The following MNAT1 variants were observed in gnomAD, a reference collection of about 807,000 sequenced individuals.
MNAT1 encodes MNAT1 component of CDK activating kinase, also known as CDK-activating kinase assembly factor MAT1.
MNAT1 carries 43 observed loss-of-function variants against 42.0 expected under a neutral mutation model. The observed-to-expected ratio is 1.02, with a 90% confidence interval of 0.80 to 1.32. The LOEUF is 1.32. MNAT1 is among the 40% of genes most tolerant of loss of function. MNAT1 has a pLI of 0.00. For synonymous variants in MNAT1, 118 were observed against 120.0 expected (o/e 0.98, Z 0.11); for missense variants, 306 against 350.4 (o/e 0.87, Z 1.01).
chr14:60,886,960 A>G (rs2034689191), intron 7 of MNAT1, among the ~76,000 whole-genome samples: 1 of 152,212 alleles, frequency 6.6e-6, no homozygotes, highest in East Asian at 1.9e-4. Flanking sequence ...AAAACTGAAA[A>G]CTTTTCCTCT....
At chr14:60,787,358 T>C (rs2031683299) in intron 1 of MNAT1, among the ~76,000 whole-genome samples, 1 of 152,200 alleles carries the variant, frequency 6.6e-6, no homozygotes, top group South Asian at 2.1e-4. Flanking sequence ...AATTAAAATA[T>C]ACTTTACTGC....
intron 6 of MNAT1, among the ~76,000 whole-genome samples, chr14:60,829,339 A>T (rs1594784119): frequency 1.3e-5 from 2 of 152,050 alleles, no homozygotes; most frequent in South Asian, 2.1e-4. Flanking sequence ...ATGCCTAGTA[A>T]CTCTTTCTTA....
At chr14:60,806,836 G>A (rs2032387215) in intron 3 of MNAT1, among the ~76,000 whole-genome samples, 2 of 152,172 alleles carry the variant, frequency 1.3e-5, no homozygotes, top group South Asian at 2.1e-4. Flanking sequence ...GATTTTGAGT[G>A]GTTGGTAAAG....
At chr14:60,907,722 T>C (rs10137397) in intron 7 of MNAT1, among the ~76,000 whole-genome samples, 136,169 of 147,020 alleles carry the variant, frequency 0.93, 63,507 homozygotes, top group Non-Finnish European at 0.99. Context: ...GCAGAGGTTG[T>C]GGTGAGCCAA....
At chr14:60,735,585 T>C (rs1896281962) in intron 1 of MNAT1, among the ~76,000 whole-genome samples, 3 of 152,142 alleles carry the variant, frequency 2.0e-5, no homozygotes, top group Admixed American at 6.5e-5. Context: ...CCTACAACAG[T>C]CCCATGAAGT....
chr14:60,943,436 G>A (rs181395331), intron 7 of MNAT1, among the ~76,000 whole-genome samples: 147 of 152,250 alleles, frequency 9.7e-4, no homozygotes, highest in African/African-American at 3.4e-3. Flanking sequence ...TACAGGTGGG[G>A]AAATTGAAGC....
At chr14:60,849,067 A>C (rs979620402) in intron 6 of MNAT1, among the ~76,000 whole-genome samples, 1 of 152,234 alleles carries the variant, frequency 6.6e-6, no homozygotes, top group Non-Finnish European at 1.5e-5. Flanking sequence ...GGACCCAAAA[A>C]GAAGGACAAA....
chr14:60,871,187 C>G (rs1275211369), intron 6 of MNAT1, among the ~76,000 whole-genome samples: 1 of 152,148 alleles, frequency 6.6e-6, no homozygotes, highest in Non-Finnish European at 1.5e-5. Flanking sequence ...TATCCATTCA[C>G]AATTGGTGGA....
At chr14:60,919,459 TG>T in intron 7 of MNAT1, 1 of 155,592 alleles carries the variant, frequency 6.4e-6, no homozygotes. Context: ...CAGCCCACCA[TG>T]GGAAAGAGTG....
intron 7 of MNAT1, among the ~76,000 whole-genome samples, chr14:60,956,500 A>G (rs574829170): frequency 3.9e-5 from 6 of 152,262 alleles, no homozygotes; most frequent in African/African-American, 1.4e-4. Flanking sequence ...TTTTCTGTAT[A>G]CGTCTGTTAG....
At chr14:60,915,477 A>C (rs147728496) in intron 7 of MNAT1, among the ~76,000 whole-genome samples, 29 of 152,262 alleles carry the variant, frequency 1.9e-4, no homozygotes, top group Non-Finnish European at 3.5e-4. Context: ...GTGTCTCTTC[A>C]CATTTTTCCT....
intron 3 of MNAT1, among the ~76,000 whole-genome samples, chr14:60,805,817 A>G (rs766314417): frequency 6.6e-6 from 1 of 152,214 alleles, no homozygotes; most frequent in Admixed American, 6.5e-5. Flanking sequence ...TTTGGCAATG[A>G]TTAATAAAGC....
intron 6 of MNAT1, among the ~76,000 whole-genome samples, chr14:60,854,631 C>G (rs1001322610): frequency 4.6e-5 from 7 of 152,156 alleles, no homozygotes; most frequent in Admixed American, 3.9e-4. Context: ...CCAGTGAAGC[C>G]CGCAGAATAG....
At chr14:60,791,546 TAACAGCAAATATTCCAAAGTTTA>T (rs1234262299) in intron 1 of MNAT1, among the ~76,000 whole-genome samples, 1 of 152,164 alleles carries the variant, frequency 6.6e-6, no homozygotes, top group African/African-American at 2.4e-5. Flanking sequence ...TGAGGAAATT[TAACAGCAAATATTCCAAAGTTTA>T]AATTGAGAAT....
At chr14:60,965,802 T>G (rs2036671992) in intron 7 of MNAT1, among the ~76,000 whole-genome samples, 1 of 152,208 alleles carries the variant, frequency 6.6e-6, no homozygotes, top group South Asian at 2.1e-4. Context: ...GGTGATACAT[T>G]ATCATCTGGT....
intron 6 of MNAT1, among the ~76,000 whole-genome samples, chr14:60,840,907 C>T (rs190679459): frequency 2.6e-5 from 4 of 152,168 alleles, no homozygotes; most frequent in East Asian, 3.9e-4. Flanking sequence ...TCAGGTGATC[C>T]GCCCACCTCA....
At chr14:60,802,964 GCT>G (rs1487088435) in intron 3 of MNAT1, among the ~76,000 whole-genome samples, 1 of 138,410 alleles carries the variant, frequency 7.2e-6, no homozygotes, top group Non-Finnish European at 1.5e-5. Flanking sequence ...ACGGAGTTTC[GCT>G]CTGTCGCCCA....
chr14:60,747,306 G>A (rs1393016183), intron 1 of MNAT1, among the ~76,000 whole-genome samples: 1 of 151,846 alleles, frequency 6.6e-6, no homozygotes. Flanking sequence ...TTAATGATGG[G>A]TATCCATTCT....
At chr14:60,864,146 G>C (rs1027729607) in intron 6 of MNAT1, among the ~76,000 whole-genome samples, 1 of 151,904 alleles carries the variant, frequency 6.6e-6, no homozygotes, top group African/African-American at 2.4e-5. Flanking sequence ...AAAATTGAGT[G>C]TAAATATTTT....
Sources: allele counts gnomAD v4.1 joint callset (sites outside exome capture counted in the v4.1 genomes callset), GRCh38; gene constraint gnomAD v4.1.1; transcripts MANE v1.5; gene names NCBI Gene and HGNC (gene_info 2026-07-23, HGNC 2026-07-21).